CCDC169: variants seen among roughly 807,000 people sequenced by gnomAD.
CCDC169 encodes coiled-coil domain-containing protein 169.
Under a neutral mutation model 36.0 loss-of-function variants are expected in CCDC169, and 30 were observed. That is an observed-to-expected ratio of 0.83 (90% CI 0.62 to 1.13). The LOEUF (loss-of-function observed/expected upper bound fraction) is 1.13. CCDC169 is among the 50% of genes most tolerant of loss of function. The probability of loss-of-function intolerance (pLI) is 0.00; values close to 1 mark genes in which losing one functional copy is unlikely to be tolerated. For synonymous variants in CCDC169, 85 were observed against 81.5 expected, an observed-to-expected ratio of 1.04 and a Z score of -0.23; for missense variants, 245 against 245.9, an observed-to-expected ratio of 1.00 and a Z score of 0.03.
chr13:36,224,529 T>A (rs138798650), downstream of CCDC169: 117 of 152,134 alleles, frequency 7.7e-4, no homozygotes, highest in African/African-American at 2.6e-3. Context: ...CAATCCAATC[T>A]ACAATAGCCA....
chr13:36,272,769 T>C (rs1876272659), intron 4 of CCDC169, among the ~76,000 whole-genome samples: 1 of 152,198 alleles, frequency 6.6e-6, no homozygotes, highest in South Asian at 2.1e-4. Flanking sequence ...CTCACTCACA[T>C]GTCTCTGTGT....
chr13:36,235,093 C>A (rs1001177090), intron 7 of CCDC169, among the ~76,000 whole-genome samples: 4 of 151,820 alleles, frequency 2.6e-5, no homozygotes, highest in African/African-American at 9.7e-5. Context: ...GGGAATGGAG[C>A]TACATAGGAA....
At chr13:36,234,814 T>TA (rs1422443026) in intron 7 of CCDC169, among the ~76,000 whole-genome samples, 1 of 152,014 alleles carries the variant, frequency 6.6e-6, no homozygotes, top group Admixed American at 6.6e-5. Context: ...ACCTGCCCTA[T>TA]AAAAAAATAG....
At chr13:36,231,377 T>C in intron 7 of CCDC169, 85 bp from the exon 8 acceptor site, 1 of 1,299,072 alleles carries the variant, frequency 7.7e-7, no homozygotes. Context: ...AAGAAATGTA[T>C]ATTGCACCTT....
chr13:36,239,239 TA>T (rs1171946749), intron 7 of CCDC169, among the ~76,000 whole-genome samples: 1 of 16,982 alleles, frequency 5.9e-5, no homozygotes, highest in African/African-American at 2.8e-4. Context: ...CCTGTCTCTT[TA>T]AAAAAAAGAA....
chr13:36,230,369 T>C (rs1870284031), downstream of CCDC169, among the ~76,000 whole-genome samples: 1 of 152,188 alleles, frequency 6.6e-6, no homozygotes, highest in Non-Finnish European at 1.5e-5. Context: ...ATGAGAGGAT[T>C]CAATACATTT....
intron 4 of CCDC169, among the ~76,000 whole-genome samples, chr13:36,265,168 G>A (rs1207494610): frequency 6.6e-6 from 1 of 152,168 alleles, no homozygotes; most frequent in Non-Finnish European, 1.5e-5. Context: ...GATCTCAGTT[G>A]TGACCGTCCA....
chr13:36,285,640 T>TAGATACAC (rs1878152576), intron 2 of CCDC169, among the ~76,000 whole-genome samples: 8 of 152,164 alleles, frequency 5.3e-5, no homozygotes, highest in Non-Finnish European at 1.0e-4. Context: ...CATAGATACA[T>TAGATACAC]AGATACATAG....
chr13:36,259,171 G>C (rs1378211714), intron 4 of CCDC169, among the ~76,000 whole-genome samples: 1 of 152,168 alleles, frequency 6.6e-6, no homozygotes, highest in Admixed American at 6.5e-5. Flanking sequence ...ATGATAGTGA[G>C]GGCCGAGAGC....
At chr13:36,271,022 A>G (rs571565005) in intron 4 of CCDC169, among the ~76,000 whole-genome samples, 17 of 152,328 alleles carry the variant, frequency 1.1e-4, no homozygotes, top group Admixed American at 3.3e-4. Flanking sequence ...CAAACCACAC[A>G]TCTGATAAAG....
chr13:36,241,906 C>T (rs541690134), intron 7 of CCDC169, among the ~76,000 whole-genome samples: 1 of 152,156 alleles, frequency 6.6e-6, no homozygotes, highest in East Asian at 1.9e-4. Context: ...ATCCTGGGGG[C>T]GGACCTCCCC....
At chr13:36,228,627 C>T (rs1870099767), downstream of CCDC169, among the ~76,000 whole-genome samples, 2 of 152,060 alleles carry the variant, frequency 1.3e-5, no homozygotes, top group Admixed American at 6.6e-5. Flanking sequence ...TGGCTCATTG[C>T]AGCCTCAACC....
At position 36,247,261 on chromosome 13, in the gene CCDC169, T is replaced by C. The variant is rs527856983; in HGVS notation, c.545+1345A>G. Among the ~76,000 whole-genome samples the C allele has an allele frequency of 5.3e-5, 8 of 152,334 alleles. No individual in the cohort carries two copies. In the South Asian group the frequency reaches 1.4e-3, roughly 28 times the overall value. On this transcript the variant is annotated intron_variant, in intron 7 of 7. Transcript: ENST00000239859. ...TTACATCCAAGAACTCTGTGGGAGA[T>C]ACACAAGAAGATAAATGCTGTTTAA...
chr13:36,280,333 T>A (rs1350725374), intron 4 of CCDC169: 1 of 152,170 alleles, frequency 6.6e-6, no homozygotes. Flanking sequence ...TCTGAAGATT[T>A]ATAAATACTA....
chr13:36,240,491 GGTTGT>G, intron 7 of CCDC169: 3 of 416,474 alleles, frequency 7.2e-6, no homozygotes, highest in Non-Finnish European at 1.1e-5. Flanking sequence ...TGGATATTTT[GGTTGT>G]GTTATCTCTA....
In CCDC169 at chr13:36,234,416, A is replaced by G. The variant is rs114984154; in HGVS notation, c.546-3124T>C. On this transcript the variant is annotated intron_variant, in intron 7 of 7. Transcript: ENST00000239859. ...AGAAGGAGAGGGGAAAGAAAAGGAC[A>G]GATAGAATATTTGAAAAATAATAGC... Among the ~76,000 whole-genome samples the G allele has an allele frequency of 3.9e-3, 598 of 152,316 alleles. 7 individuals are homozygous for G. Among genetic ancestry groups the G allele is most frequent in the African/African-American group, 0.014 (564 of 41,594 alleles).
At chr13:36,255,140 T>C (rs959119555) in intron 4 of CCDC169, among the ~76,000 whole-genome samples, 1 of 152,190 alleles carries the variant, frequency 6.6e-6, no homozygotes, top group Non-Finnish European at 1.5e-5. Context: ...GGAAGTGTCT[T>C]TCTTCAATTC....
chr13:36,287,594 T>C (rs1032561771), intron 2 of CCDC169, among the ~76,000 whole-genome samples: 4 of 152,244 alleles, frequency 2.6e-5, no homozygotes, highest in African/African-American at 2.4e-5. Flanking sequence ...GTGTCTAGCA[T>C]GTTATCAAAC....
downstream of CCDC169, among the ~76,000 whole-genome samples, chr13:36,229,970 G>A (rs570461481): frequency 7.9e-5 from 12 of 152,102 alleles, no homozygotes; most frequent in East Asian, 2.3e-3. Flanking sequence ...TAAAGAATAG[G>A]GGAAAATATT....
Sources: allele counts gnomAD v4.1 joint callset (sites outside exome capture counted in the v4.1 genomes callset), GRCh38; gene constraint gnomAD v4.1.1; transcripts MANE v1.5; gene names NCBI Gene and HGNC (gene_info 2026-07-23, HGNC 2026-07-21).